The following NLRP5 variants were observed in gnomAD, a reference collection of about 807,000 sequenced individuals.
NLRP5 encodes NACHT, LRR and PYD domains-containing protein 5.
A neutral mutation model predicts 113.1 loss-of-function variants in NLRP5; 93 were observed. That is an observed-to-expected ratio of 0.82 (90% CI 0.70 to 0.98). The LOEUF (loss-of-function observed/expected upper bound fraction) is 0.98. Ranked by LOEUF, NLRP5 falls within the 50% of genes least tolerant of loss-of-function variation. The pLI is 0.00. For missense variants in NLRP5, 1,808 were observed against 1,514.3 expected (o/e 1.19, Z -3.22); for synonymous variants, 751 against 600.7 (o/e 1.25, Z -3.66).
chr19:56,040,112 G>A (rs746606386), intron 10 of NLRP5, among the ~76,000 whole-genome samples: 15 of 152,036 alleles, frequency 9.9e-5, no homozygotes, highest in South Asian at 2.1e-4. Context: ...CACCATGCCC[G>A]GCTAATTTTT....
At chr19:56,052,401 TGGGATTACAG>T (rs1983965803) in intron 12 of NLRP5, among the ~76,000 whole-genome samples, 1 of 152,260 alleles carries the variant, frequency 6.6e-6, no homozygotes, top group East Asian at 1.9e-4. Context: ...CCCGAGAAGC[TGGGATTACAG>T]GCACCTGCCA....
At chr19:56,017,098 C>A (rs61542854) in intron 4 of NLRP5, among the ~76,000 whole-genome samples, 1 of 152,122 alleles carries the variant, frequency 6.6e-6, no homozygotes, top group Non-Finnish European at 1.5e-5. Flanking sequence ...TGAGCCACCG[C>A]GCCCGGCCAA....
In NLRP5 at chr19:56,027,661, C is replaced by G. The variant is rs755086105; in HGVS notation, c.1428C>G (p.Leu476=). The stretch of plus-strand genomic sequence containing the variant: ...GCCAGGTGCCCGCCGTGGGCTCTCT[C>G]ATCTGCGTGGCCCTGCAGCTGCAGG... Residue 476 remains leucine (L), a synonymous_variant, in exon 7 of 15, where the codon CTC becomes CTG. Transcript: ENST00000390649. 1.4e-5 allele frequency: 23 copies of G among 1,613,398 alleles called. No homozygotes were observed. Among genetic ancestry groups the G allele is most frequent in the Non-Finnish European group, 1.9e-5 (22 of 1,179,904 alleles).
upstream of NLRP5, among the ~76,000 whole-genome samples, chr19:55,999,476 C>T (rs199475759): frequency 2.7e-3 from 417 of 152,078 alleles, 1 homozygote; most frequent in African/African-American, 9.8e-3. Context: ...TCGGCAGTAG[C>T]GTCGTAAGCC....
chr19:56,033,515 G>A (rs1308038387), intron 8 of NLRP5, 27 bp from the exon 9 acceptor site: 8 of 1,577,736 alleles, frequency 5.1e-6, no homozygotes, highest in African/African-American at 2.7e-5. Context: ...CACCAGTGTC[G>A]AATGTGTCTC....
At chr19:56,010,716 T>G (rs1982148892) in intron 3 of NLRP5, among the ~76,000 whole-genome samples, 1 of 103,272 alleles carries the variant, frequency 9.7e-6, no homozygotes, top group African/African-American at 3.9e-5. Flanking sequence ...CACTCCAGCC[T>G]GGGAAACAAG....
intron 6 of NLRP5, among the ~76,000 whole-genome samples, chr19:56,025,094 A>G (rs1478339201): frequency 6.6e-6 from 1 of 151,398 alleles, no homozygotes; most frequent in Non-Finnish European, 1.5e-5. Flanking sequence ...TGTCTCCATC[A>G]CCCCCAGATG....
Position 56,009,713 on chromosome 19 carries a change from C to T in NLRP5, c.508+860C>T, listed in dbSNP as rs527438842. Among the ~76,000 whole-genome samples, 1,389 of 152,260 alleles carry T rather than the reference C, an allele frequency of 9.1e-3. 28 individuals are homozygous for T. Among genetic ancestry groups the T allele is most frequent in the African/African-American group, 0.032 (1,309 of 41,542 alleles). ...GGCTGCATAGACACCATGAATTCTC[C>T]TCTGCTACCTGCGCCGCTACCATCT... On this transcript the variant is annotated intron_variant, in intron 3 of 14. Transcript: ENST00000390649.
intron 6 of NLRP5, among the ~76,000 whole-genome samples, chr19:56,022,989 G>A (rs1346839099): frequency 6.6e-6 from 1 of 152,156 alleles, no homozygotes; most frequent in Non-Finnish European, 1.5e-5. Context: ...GCCTCCCAAA[G>A]TGCTGGGATT....
intron 13 of NLRP5, among the ~76,000 whole-genome samples, chr19:56,054,410 T>C (rs1171672904): frequency 1.3e-5 from 2 of 151,920 alleles, no homozygotes; most frequent in Non-Finnish European, 2.9e-5. Flanking sequence ...ATACAAAAAT[T>C]AGCCAGGTGT....
intron 7 of NLRP5, 114 bp downstream of exon 7, chr19:56,028,623 G>A: frequency 3.9e-6 from 4 of 1,021,590 alleles, no homozygotes; most frequent in Non-Finnish European, 5.8e-6. Context: ...CTTTCAGGAT[G>A]AATGGCCCAG....
intron 6 of NLRP5, among the ~76,000 whole-genome samples, chr19:56,026,136 C>T (rs1047772679): frequency 6.6e-6 from 1 of 152,096 alleles, no homozygotes. Context: ...ATGTTCTCAG[C>T]ACCTGGCTAG....
Position 56,033,966 on chromosome 19 carries a change from C to T in NLRP5, c.2615+257C>T, listed in dbSNP as rs367889576. ...AATTGTTCATGCAGAGGCAAGGTCT[C>T]GTTTGGTTGCTCAGTCTGATCTTGA... On this transcript the variant is annotated intron_variant, in intron 9 of 14. Coordinates refer to ENST00000390649, the MANE Select transcript of NLRP5 (RefSeq NM_153447.4). Among the ~76,000 whole-genome samples the T allele has an allele frequency of 7.9e-4, 121 of 152,292 alleles. No individual in the cohort carries two copies. In the East Asian group the frequency reaches 0.023, roughly 29 times the overall value.
intron 11 of NLRP5, among the ~76,000 whole-genome samples, chr19:56,046,399 C>CGTGT (rs139653516): frequency 0.1 from 15,134 of 148,116 alleles, 832 homozygotes; most frequent in African/African-American, 0.14. Flanking sequence ...TTTGTAGTTT[C>CGTGT]GTGTGTGTGT....
At chr19:55,999,212 C>A, upstream of NLRP5, among the ~76,000 whole-genome samples, 1 of 111,716 alleles carries the variant, frequency 9.0e-6, no homozygotes, top group South Asian at 3.0e-4. Context: ...TTTTCTTTTT[C>A]TTTTTTTTTT....
rs751220923 is a variant in NLRP5, at chr19:56,027,581, C to T, written c.1348C>T (p.Gln450Ter). The change falls in exon 7 of 15, where the codon CAG becomes TAG. Residue 450 changes from glutamine (Q) to a stop codon, truncating the protein, a stop_gained. Coordinates refer to ENST00000390649, the MANE Select transcript of NLRP5 (RefSeq NM_153447.4). LOFTEE classifies it high-confidence loss of function. ...CCTTGAGCGCGGGATTGGTGAGCAT[C>T]AGAAGACACAAGGGTTGCGTGCGAT... 12 of 1,613,940 alleles carry T rather than the reference C, an allele frequency of 7.4e-6. No homozygotes were observed. Among genetic ancestry groups the T allele is most frequent in the Non-Finnish European group, 1.0e-5 (12 of 1,179,892 alleles).
chr19:56,029,838 C>T (rs563600849), intron 7 of NLRP5, among the ~76,000 whole-genome samples: 4 of 151,370 alleles, frequency 2.6e-5, no homozygotes, highest in East Asian at 4.0e-4. Context: ...GGGTGGATCA[C>T]GAGGTCAGGA....
At chr19:56,021,159 T>C (rs1230672044) in intron 6 of NLRP5, among the ~76,000 whole-genome samples, 2 of 152,144 alleles carry the variant, frequency 1.3e-5, no homozygotes, top group African/African-American at 4.8e-5. Context: ...CATTTGCCGC[T>C]GTGCCCAGCT....
chr19:56,005,287 T>TTTTATATATACACATATATA (rs1006371606), intron 2 of NLRP5, among the ~76,000 whole-genome samples: 1 of 146,746 alleles, frequency 6.8e-6, no homozygotes, highest in Non-Finnish European at 1.5e-5. Context: ...ACACATATAT[T>TTTTATATATACACATATATA]TTTATATATA....
Sources: gnomAD v4.1 joint callset for allele counts (sites outside exome capture counted in the v4.1 genomes callset) on GRCh38, gnomAD v4.1.1 for gene constraint, MANE v1.5 for transcripts, NCBI Gene and HGNC (gene_info 2026-07-23, HGNC 2026-07-21) for gene names.